The following TMEM135 variants were observed in gnomAD, a reference collection of about 807,000 sequenced individuals.
TMEM135 encodes the protein peroxisomal membrane protein 52.
A neutral mutation model predicts 60.3 loss-of-function variants in TMEM135; 30 were observed. The ratio of observed to expected loss-of-function variants is 0.50; its 90% CI spans 0.37 to 0.68. The LOEUF (loss-of-function observed/expected upper bound fraction) is 0.68, where lower values mean the gene tolerates loss of function less well. Ranked by LOEUF, TMEM135 falls within the 30% of genes least tolerant of loss-of-function variation. The pLI is 0.00. For missense variants in TMEM135, 468 were observed against 548.8 expected (o/e 0.85, Z 1.47); for synonymous variants, 190 against 186.7 (o/e 1.02, Z -0.14).
chr11:87,328,321 G>T lies in TMEM135; in HGVS notation c.*6988G>T, dbSNP rs1278494283. 2.2e-6 allele frequency: 1 copy of T among 453,964 alleles called. No homozygotes were observed. The highest frequency in any genetic ancestry group is 2.0e-5 in the African/African-American group (1 of 50,086). 28.1% of individuals were successfully genotyped at this position (453,964 alleles called of 1,614,324 possible). A position where few individuals can be genotyped will look rare whatever the true frequency, so the allele number is the denominator to read the frequency against. Reference sequence around the variant, plus strand: ...TGCTCATCTTTAAAAAATCTTAGTTGATTATGTTTTATGTGTCATTTAATT... The same window carrying T: ...TGCTCATCTTTAAAAAATCTTAGTTTATTATGTTTTATGTGTCATTTAATT... On this transcript the variant is annotated 3_prime_UTR_variant, in exon 15 of 15. Coordinates refer to ENST00000305494, the MANE Select transcript of TMEM135 (RefSeq NM_022918.4).
intron 5 of TMEM135, among the ~76,000 whole-genome samples, chr11:87,159,958 T>C (rs927502333): frequency 6.6e-6 from 1 of 152,184 alleles, no homozygotes; most frequent in East Asian, 1.9e-4. Flanking sequence ...ATTTATAATA[T>C]GCTAAGGGAG....
chr11:87,122,057 G>A (rs1199244973), intron 4 of TMEM135, among the ~76,000 whole-genome samples: 1 of 152,202 alleles, frequency 6.6e-6, no homozygotes, highest in African/African-American at 2.4e-5. Flanking sequence ...CACATCAACA[G>A]CGAAGAGAAG....
chr11:87,167,618 T>C (rs1391160683), intron 5 of TMEM135, among the ~76,000 whole-genome samples: 1 of 152,178 alleles, frequency 6.6e-6, no homozygotes, highest in Non-Finnish European at 1.5e-5. Flanking sequence ...GTTTATTGAT[T>C]TGTGTATGTT....
chr11:87,303,524 A>G (rs1942483402), intron 8 of TMEM135, among the ~76,000 whole-genome samples: 2 of 152,344 alleles, frequency 1.3e-5, no homozygotes, highest in African/African-American at 4.8e-5. Flanking sequence ...AGATTTAACC[A>G]TTATGCATTT....
At chr11:87,319,209 C>A in intron 13 of TMEM135, 101 bp from the exon 14 acceptor site, 2 of 1,025,682 alleles carry the variant, frequency 1.9e-6, no homozygotes, top group East Asian at 2.4e-5. Flanking sequence ...TACAAAAATT[C>A]TTGATAGTTA....
chr11:87,191,981 T>C (rs1460130226), intron 5 of TMEM135, among the ~76,000 whole-genome samples: 4 of 126,356 alleles, frequency 3.2e-5, no homozygotes, highest in African/African-American at 1.3e-4. Flanking sequence ...TCTTTTCTTT[T>C]CTTTTCTTTT....
At chr11:87,138,004 G>T (rs574112516) in intron 4 of TMEM135, among the ~76,000 whole-genome samples, 1 of 151,596 alleles carries the variant, frequency 6.6e-6, no homozygotes, top group East Asian at 1.9e-4. Context: ...AAGGTCCATT[G>T]TCTCCATATG....
intron 6 of TMEM135, among the ~76,000 whole-genome samples, chr11:87,272,725 G>A (rs963204935): frequency 1.3e-5 from 2 of 152,066 alleles, no homozygotes; most frequent in Non-Finnish European, 2.9e-5. Flanking sequence ...GCCTCCCAAA[G>A]TTCTGGAACT....
intron 1 of TMEM135, among the ~76,000 whole-genome samples, chr11:87,062,715 G>A (rs952443537): frequency 1.7e-4 from 26 of 151,732 alleles, no homozygotes; most frequent in Non-Finnish European, 3.8e-4. Context: ...CATCTGCCTC[G>A]GCCTCCCAAA....
intron 1 of TMEM135, among the ~76,000 whole-genome samples, chr11:87,041,109 G>A (rs145143155): frequency 1.3e-5 from 2 of 152,180 alleles, no homozygotes; most frequent in Admixed American, 6.6e-5. Flanking sequence ...AGTTGTGAGC[G>A]ATAACAACTT....
rs142551714 is a variant in TMEM135 at position 87,087,194 on chromosome 11, G to A, written c.363-4168G>A. 3.6e-3 allele frequency among the ~76,000 whole-genome samples: 545 copies of A among 151,994 alleles called. 3 individuals are homozygous for A. The highest frequency in any genetic ancestry group is 6.4e-3 in the Non-Finnish European group (432 of 67,988). ...GTAAGAACAGCTCAAAAACTCCGAG[G>A]CTGCTGACATGCCCAGATAACTGGT... On this transcript the variant is annotated intron_variant, in intron 3 of 14. Transcript: ENST00000305494.
chr11:87,196,239 C>T (rs1233669622), intron 5 of TMEM135, among the ~76,000 whole-genome samples: 1 of 152,154 alleles, frequency 6.6e-6, no homozygotes, highest in Non-Finnish European at 1.5e-5. Context: ...TAACACTCAT[C>T]ATCCTTTGCA....
At chr11:87,134,773 A>G (rs1236484320) in intron 4 of TMEM135, among the ~76,000 whole-genome samples, 2 of 152,190 alleles carry the variant, frequency 1.3e-5, no homozygotes, top group Admixed American at 1.3e-4. Context: ...GGCGTGTGCA[A>G]CTGCACCCAG....
At chr11:87,295,121 T>C (rs1942327415) in intron 6 of TMEM135, among the ~76,000 whole-genome samples, 1 of 152,118 alleles carries the variant, frequency 6.6e-6, no homozygotes, top group Admixed American at 6.5e-5. Flanking sequence ...TCATACAGTT[T>C]AGTGATATGA....
intron 4 of TMEM135, among the ~76,000 whole-genome samples, chr11:87,147,703 G>A (rs1463567032): frequency 6.6e-6 from 1 of 152,050 alleles, no homozygotes; most frequent in Non-Finnish European, 1.5e-5. Context: ...ATTACATCTA[G>A]GTTTTATGTC....
At chr11:87,118,064 G>GT (rs1444840388) in intron 4 of TMEM135, among the ~76,000 whole-genome samples, 1 of 140,150 alleles carries the variant, frequency 7.1e-6, no homozygotes, top group Non-Finnish European at 1.6e-5. Flanking sequence ...TCAATGAGTA[G>GT]TAATATTTTG....
At chr11:87,114,828 T>C (rs1245579020) in intron 4 of TMEM135, among the ~76,000 whole-genome samples, 1 of 152,182 alleles carries the variant, frequency 6.6e-6, no homozygotes, top group Non-Finnish European at 1.5e-5. Flanking sequence ...TGGAAATAAT[T>C]GTACACACTA....
chr11:87,299,282 C>A (rs895928773), intron 7 of TMEM135, among the ~76,000 whole-genome samples: 2 of 151,408 alleles, frequency 1.3e-5, no homozygotes, highest in Non-Finnish European at 2.9e-5. Context: ...AACTTACAAT[C>A]ATGGCAGAAG....
chr11:87,144,151 A>T (rs1254159686), intron 4 of TMEM135, among the ~76,000 whole-genome samples: 1 of 152,142 alleles, frequency 6.6e-6, no homozygotes, highest in African/African-American at 2.4e-5. Flanking sequence ...AAAAAAAACT[A>T]CAGAAATTAT....
Sources: allele counts gnomAD v4.1 joint callset (sites outside exome capture counted in the v4.1 genomes callset), GRCh38; gene constraint gnomAD v4.1.1; transcripts MANE v1.5; gene names NCBI Gene and HGNC (gene_info 2026-07-23, HGNC 2026-07-21).